DMD: variants seen among roughly 807,000 people sequenced by gnomAD.
DMD encodes mutant dystrophin.
A neutral mutation model predicts 330.1 loss-of-function variants in DMD; 63 were observed. That is an observed-to-expected ratio of 0.19 (90% CI 0.16 to 0.24). DMD has a LOEUF of 0.24. Ranked by LOEUF, DMD falls within the 10% of genes least tolerant of loss-of-function variation. DMD has a pLI of 1.00. For missense variants in DMD, 3,344 were observed against 2,684.1 expected, an observed-to-expected ratio of 1.25 and a Z score of -5.43; for synonymous variants, 1,223 against 959.8, an observed-to-expected ratio of 1.27 and a Z score of -5.07.
intron 1 of DMD, among the ~76,000 whole-genome samples, chrX:33,033,774 G>A (rs1430061439): frequency 3.6e-5 from 4 of 110,829 alleles, no homozygotes; most frequent in African/African-American, 1.3e-4. Flanking sequence ...TCACTGAGTT[G>A]AACTTGTAGA....
intron 2 of DMD, among the ~76,000 whole-genome samples, chrX:32,890,383 C>T (rs1008066360): frequency 2.0e-5 from 2 of 100,869 alleles, no homozygotes; most frequent in Admixed American, 2.4e-4. Flanking sequence ...TCAAACTTTT[C>T]GCGGGGAAGG....
intron 7 of DMD, among the ~76,000 whole-genome samples, chrX:32,805,440 G>C (rs754393628): frequency 5.4e-5 from 6 of 111,712 alleles, no homozygotes; most frequent in Non-Finnish European, 1.1e-4. Flanking sequence ...AATGAACAAA[G>C]CCTCCACGAA....
intron 78 of DMD, among the ~76,000 whole-genome samples, chrX:31,122,871 A>G: frequency 8.9e-6 from 1 of 111,912 alleles, no homozygotes; most frequent in East Asian, 2.8e-4. Flanking sequence ...GAGTAAGATA[A>G]TCTGAGACTT....
chrX:33,007,045 G>A (rs1451588212), intron 2 of DMD, among the ~76,000 whole-genome samples: 3 of 110,356 alleles, frequency 2.7e-5, no homozygotes, highest in Non-Finnish European at 3.8e-5. Context: ...CTAGCCACAC[G>A]CACACACCCA....
chrX:33,124,648 G>A (rs1340138396), intron 1 of DMD, among the ~76,000 whole-genome samples: 2 of 110,293 alleles, frequency 1.8e-5, no homozygotes, highest in African/African-American at 3.3e-5. Flanking sequence ...AGGATTCAAT[G>A]ATGAAAGACA....
At chrX:31,403,621 C>A (rs375339004) in intron 60 of DMD, among the ~76,000 whole-genome samples, 7 of 111,332 alleles carry the variant, frequency 6.3e-5, no homozygotes, top group African/African-American at 2.0e-4. Context: ...ATATACACAT[C>A]AAATACACTT....
intron 44 of DMD, among the ~76,000 whole-genome samples, chrX:32,001,318 T>A (rs1368083280): frequency 1.8e-5 from 2 of 111,244 alleles, no homozygotes; most frequent in African/African-American, 6.5e-5. Flanking sequence ...TAGGCACTTT[T>A]ATTTGCATTT....
At chrX:33,067,794 G>A (rs1429798044) in intron 1 of DMD, among the ~76,000 whole-genome samples, 1 of 110,663 alleles carries the variant, frequency 9.0e-6, no homozygotes, top group African/African-American at 3.3e-5. Context: ...GCAGTGAGCC[G>A]AGATCACACC....
At position 32,117,214 on chromosome X, in the gene DMD, T is replaced by C. The variant is rs376336499; in HGVS notation, c.6438+99702A>G. Among the ~76,000 whole-genome samples, 8 of 109,288 alleles carry C rather than the reference T, an allele frequency of 7.3e-5. No homozygotes were observed. In the East Asian group the frequency reaches 1.7e-3, roughly 24 times the overall value. 94.9% of individuals were successfully genotyped at this position (109,288 alleles called of 115,157 possible). A position where few individuals can be genotyped will look rare whatever the true frequency, so the allele number is the denominator to read the frequency against. On this transcript the variant is annotated intron_variant, in intron 44 of 78. Coordinates refer to ENST00000357033, the MANE Select transcript of DMD (RefSeq NM_004006.3). The stretch of plus-strand genomic sequence containing the variant: ...GTGTTAAAAGGCAACCACAGAGAGC[T>C]GTCACATGGAGAAATGGTCCATGCC...
intron 41 of DMD, among the ~76,000 whole-genome samples, chrX:32,336,051 T>TA (rs908844078): frequency 2.3e-5 from 1 of 42,681 alleles, no homozygotes; most frequent in African/African-American, 5.9e-5. Context: ...CGTGTATATA[T>TA]AACGTTATAT....
In DMD at chrX:33,211,503, G is replaced by C; in HGVS notation, c.-191C>G. Reference sequence around the variant, plus strand: ...CCTCCCAGATCTGAGTCCTGTAGGGGGAAAGTGAGTGATCCCAACACTGAG... The same window carrying C: ...CCTCCCAGATCTGAGTCCTGTAGGGCGAAAGTGAGTGATCCCAACACTGAG... On this transcript the variant is annotated 5_prime_UTR_variant, in exon 1 of 79. Transcript: ENST00000357033. The C allele has an allele frequency of 9.1e-7, 1 of 1,092,898 alleles. No homozygotes were observed. Among genetic ancestry groups the C allele is most frequent in the Non-Finnish European group, 1.2e-6 (1 of 837,261 alleles). The allele number at this position is 1,092,898 out of a possible 1,213,427, so 90.1% of individuals were successfully genotyped here. A position where few individuals can be genotyped will look rare whatever the true frequency, so the allele number is the denominator to read the frequency against.
intron 9 of DMD, among the ~76,000 whole-genome samples, chrX:32,687,848 C>A (rs1284350070): frequency 2.7e-5 from 3 of 111,234 alleles, no homozygotes; most frequent in Non-Finnish European, 5.7e-5. Context: ...CTGTATTACA[C>A]AGGTGAGCTA....
intron 1 of DMD, among the ~76,000 whole-genome samples, chrX:33,144,809 G>C (rs2148600641): frequency 9.0e-6 from 1 of 111,538 alleles, no homozygotes; most frequent in African/African-American, 3.2e-5. Flanking sequence ...CATCTAAAAA[G>C]TTTCCTTTTA....
intron 9 of DMD, among the ~76,000 whole-genome samples, chrX:32,668,085 G>A (rs1267308172): frequency 9.0e-6 from 1 of 110,668 alleles, no homozygotes; most frequent in East Asian, 2.8e-4. Flanking sequence ...GGAGGCGGAG[G>A]TTGCAGTGAG....
intron 55 of DMD, among the ~76,000 whole-genome samples, chrX:31,612,908 A>G (rs1009197698): frequency 1.8e-5 from 2 of 112,218 alleles, no homozygotes; most frequent in Non-Finnish European, 3.8e-5. Context: ...AAAAAGTTTA[A>G]AGTTTTAAAA....
intron 30 of DMD, among the ~76,000 whole-genome samples, chrX:32,402,356 C>T (rs2147809719): frequency 9.0e-6 from 1 of 111,005 alleles, no homozygotes; most frequent in South Asian, 3.7e-4. Context: ...ATTTACATAC[C>T]ATAAAATTTT....
At chrX:33,081,985 G>A (rs73452069) in intron 1 of DMD, among the ~76,000 whole-genome samples, 3,266 of 107,909 alleles carry the variant, frequency 0.03, 118 homozygotes, top group African/African-American at 0.11. Flanking sequence ...TCCCTAAAAC[G>A]GGTTCTGTGG....
intron 1 of DMD, among the ~76,000 whole-genome samples, chrX:33,163,408 C>T (rs955191211): frequency 1.3e-4 from 14 of 108,909 alleles, no homozygotes; most frequent in African/African-American, 4.7e-4. Flanking sequence ...TGGTGGCACA[C>T]GACTGTAGTC....
intron 44 of DMD, chrX:32,206,102 T>C: frequency 3.9e-6 from 2 of 518,205 alleles, no homozygotes; most frequent in South Asian, 4.5e-5. Flanking sequence ...GCAGTCCAAT[T>C]AAAGTAACAC....
Sources: gnomAD v4.1 joint callset for allele counts (sites outside exome capture counted in the v4.1 genomes callset) on GRCh38, gnomAD v4.1.1 for gene constraint, MANE v1.5 for transcripts, NCBI Gene and HGNC (gene_info 2026-07-23, HGNC 2026-07-21) for gene names.